Variants in NCOA1 observed in about 807,000 individuals in gnomAD.
The protein encoded by NCOA1 is nuclear receptor coactivator 1, also known as Hin-2 protein.
NCOA1 carries 35 observed loss-of-function variants against 150.9 expected under a neutral mutation model. That is an observed-to-expected ratio of 0.23 (90% CI 0.18 to 0.31). The LOEUF (loss-of-function observed/expected upper bound fraction) is 0.31, where lower values mean the gene tolerates loss of function less well. Ranked by LOEUF, NCOA1 falls within the 10% of genes least tolerant of loss-of-function variation. NCOA1 has a pLI of 1.00. For missense variants in NCOA1, 1,491 were observed against 1,749.3 expected (o/e 0.85, Z 2.63); for synonymous variants, 590 against 630.0 (o/e 0.94, Z 0.95).
chr2:24,517,723 T>C (rs1182497940), intron 1 of NCOA1, among the ~76,000 whole-genome samples: 7 of 152,222 alleles, frequency 4.6e-5, no homozygotes, highest in African/African-American at 1.7e-4. Context: ...TAGTTGTTGC[T>C]AGCTTTTTCA....
intron 1 of NCOA1, among the ~76,000 whole-genome samples, chr2:24,554,790 G>A (rs2148234611): frequency 6.6e-6 from 1 of 152,296 alleles, no homozygotes; most frequent in South Asian, 2.1e-4. Flanking sequence ...CAACCATGCT[G>A]TGTTTTTAAT....
chr2:24,768,328 G>T lies in NCOA1; in HGVS notation c.4263G>T (p.Thr1421=), dbSNP rs145044877. The T allele has an allele frequency of 2.5e-6, 4 of 1,613,602 alleles. No homozygotes were observed. Among genetic ancestry groups the T allele is most frequent in the Non-Finnish European group, 3.4e-6 (4 of 1,179,944 alleles). The change falls in exon 23 of 23, where the codon ACG becomes ACT. Residue 1421 remains threonine, a synonymous_variant. Coordinates refer to ENST00000348332, the MANE Select transcript of NCOA1 (RefSeq NM_003743.5). ...GTCCACTGGGAACTCAAAAGCCCAC[G>T]TCAGGACCACAGACCCCCCAGGCCC... ...QPGPLGTQKP[T]SGPQTPQAQQ...
At chr2:24,504,499 GTGGTGAATACCAAAAT>G (rs2148084333) in intron 1 of NCOA1, among the ~76,000 whole-genome samples, 1 of 152,320 alleles carries the variant, frequency 6.6e-6, no homozygotes, top group South Asian at 2.1e-4. Context: ...ATTTTCTTTA[GTGGTGAATACCAAAAT>G]TGGTAGACCC....
chr2:24,561,441 A>C (rs1330649748), intron 1 of NCOA1, among the ~76,000 whole-genome samples: 2 of 152,212 alleles, frequency 1.3e-5, no homozygotes, highest in Non-Finnish European at 2.9e-5. Context: ...TATGAAACAA[A>C]AATTGGATGT....
At chr2:24,608,224 A>G (rs1668455795) in intron 3 of NCOA1, among the ~76,000 whole-genome samples, 1 of 148,460 alleles carries the variant, frequency 6.7e-6, no homozygotes, top group Non-Finnish European at 1.5e-5. Context: ...TTGAATTCCC[A>G]TATACTCCTC....
intron 19 of NCOA1, among the ~76,000 whole-genome samples, chr2:24,750,928 G>T (rs577910243): frequency 6.6e-6 from 1 of 150,984 alleles, no homozygotes; most frequent in East Asian, 2.0e-4. Context: ...GGGGGAAGGA[G>T]GGGGGGAAGA....
At chr2:24,665,380 G>C (rs1411551064) in intron 5 of NCOA1, among the ~76,000 whole-genome samples, 1 of 151,984 alleles carries the variant, frequency 6.6e-6, no homozygotes, top group Non-Finnish European at 1.5e-5. Flanking sequence ...TGAAAATTCA[G>C]ATTTTTCTAT....
intron 5 of NCOA1, among the ~76,000 whole-genome samples, chr2:24,665,446 A>T (rs1671378245): frequency 6.6e-6 from 1 of 152,128 alleles, no homozygotes; most frequent in Non-Finnish European, 1.5e-5. Context: ...TGTGTTTATT[A>T]CTTGTTTGCT....
intron 14 of NCOA1, among the ~76,000 whole-genome samples, chr2:24,720,082 C>T (rs1674280865): frequency 6.6e-6 from 1 of 152,062 alleles, no homozygotes; most frequent in African/African-American, 2.4e-5. Context: ...AAGAGAGGTA[C>T]ATGTGGAAGA....
intron 3 of NCOA1, among the ~76,000 whole-genome samples, chr2:24,639,815 G>C (rs953517281): frequency 5.3e-5 from 8 of 150,320 alleles, no homozygotes; most frequent in African/African-American, 2.0e-4. Flanking sequence ...TTGAACCTGG[G>C]AGGCGGAGGT....
At chr2:24,738,030 C>G (rs1663413749) in intron 17 of NCOA1, among the ~76,000 whole-genome samples, 1 of 151,998 alleles carries the variant, frequency 6.6e-6, no homozygotes, top group Non-Finnish European at 1.5e-5. Flanking sequence ...TGAAGTGACT[C>G]AGAACTTCAA....
intron 17 of NCOA1, among the ~76,000 whole-genome samples, chr2:24,733,735 C>T (rs1452089687): frequency 1.3e-5 from 2 of 151,276 alleles, no homozygotes; most frequent in Admixed American, 1.3e-4. Flanking sequence ...CAGAACAAGA[C>T]TCCATCTCAA....
At chr2:24,594,955 T>A (rs1667827696) in intron 3 of NCOA1, among the ~76,000 whole-genome samples, 1 of 152,096 alleles carries the variant, frequency 6.6e-6, no homozygotes, top group Non-Finnish European at 1.5e-5. Flanking sequence ...TATCTTTAAA[T>A]GGATTGTCTC....
At chr2:24,761,884 TG>T (rs1347003790) in intron 21 of NCOA1, among the ~76,000 whole-genome samples, 2 of 152,234 alleles carry the variant, frequency 1.3e-5, no homozygotes, top group Non-Finnish European at 2.9e-5. Context: ...TTTTCCACTC[TG>T]GGGGGTGAAA....
chr2:24,717,280 T>C (rs958903608), intron 14 of NCOA1, among the ~76,000 whole-genome samples: 7 of 152,218 alleles, frequency 4.6e-5, no homozygotes, highest in Admixed American at 1.3e-4. Context: ...TGAAAACTTA[T>C]GTTCACACAA....
chr2:24,588,048 C>T (rs890302926), intron 3 of NCOA1, among the ~76,000 whole-genome samples: 8 of 152,244 alleles, frequency 5.3e-5, no homozygotes, highest in Admixed American at 2.6e-4. Context: ...GTTGGCTTCC[C>T]GCTTGCTGTG....
At chr2:24,763,988 C>A (rs1404843222) in intron 22 of NCOA1, among the ~76,000 whole-genome samples, 1 of 152,120 alleles carries the variant, frequency 6.6e-6, no homozygotes, top group East Asian at 1.9e-4. Flanking sequence ...TAGGAAGACA[C>A]ATAAGATATG....
intron 1 of NCOA1, among the ~76,000 whole-genome samples, chr2:24,526,714 CA>C (rs11337079): frequency 0.053 from 7,729 of 145,644 alleles, 253 homozygotes; most frequent in East Asian, 0.11. Context: ...GACCCTTTCT[CA>C]AAAAAAAAAA....
intron 4 of NCOA1, among the ~76,000 whole-genome samples, chr2:24,649,908 C>T (rs1160441713): frequency 6.6e-6 from 1 of 151,968 alleles, no homozygotes; most frequent in Non-Finnish European, 1.5e-5. Flanking sequence ...GGCAAGTTAC[C>T]AAATCCTTGA....
Sources: allele counts gnomAD v4.1 joint callset (sites outside exome capture counted in the v4.1 genomes callset), GRCh38; gene constraint gnomAD v4.1.1; transcripts MANE v1.5; gene names NCBI Gene and HGNC (gene_info 2026-07-23, HGNC 2026-07-21).